DNER: variants seen among roughly 807,000 people sequenced by gnomAD.
The protein encoded by DNER is delta/notch like EGF repeat containing.
Under a neutral mutation model 78.2 loss-of-function variants are expected in DNER, and 33 were observed. The ratio of observed to expected loss-of-function variants is 0.42; its 90% CI spans 0.32 to 0.56. DNER has a LOEUF of 0.56. Ranked by LOEUF, DNER falls within the 20% of genes least tolerant of loss-of-function variation. DNER has a pLI of 0.11. For missense variants in DNER, 918 were observed against 975.3 expected, an observed-to-expected ratio of 0.94 and a Z score of 0.78; for synonymous variants, 417 against 384.8, an observed-to-expected ratio of 1.08 and a Z score of -0.98.
intron 1 of DNER, among the ~76,000 whole-genome samples, chr2:229,616,703 T>A (rs1384969503): frequency 6.6e-6 from 1 of 152,206 alleles, no homozygotes; most frequent in Admixed American, 6.5e-5. Flanking sequence ...CAGATCTAGA[T>A]CATGTCTAGG....
intron 4 of DNER, among the ~76,000 whole-genome samples, chr2:229,549,357 G>C (rs1160829808): frequency 6.6e-6 from 1 of 152,124 alleles, no homozygotes; most frequent in Non-Finnish European, 1.5e-5. Context: ...CCAGGCTGGA[G>C]TGCAGTGGTT....
At chr2:229,573,588 T>C (rs1697250905) in intron 4 of DNER, among the ~76,000 whole-genome samples, 1 of 152,190 alleles carries the variant, frequency 6.6e-6, no homozygotes, top group African/African-American at 2.4e-5. Context: ...ATGCACTCAT[T>C]CTGACCTCGT....
intron 9 of DNER, among the ~76,000 whole-genome samples, chr2:229,417,280 G>A (rs371871874): frequency 1.3e-5 from 2 of 152,206 alleles, no homozygotes; most frequent in East Asian, 3.9e-4. Flanking sequence ...CTCCAGCCAG[G>A]TGGATGGCAT....
At chr2:229,601,320 C>T (rs1278336099) in intron 1 of DNER, among the ~76,000 whole-genome samples, 1 of 151,986 alleles carries the variant, frequency 6.6e-6, no homozygotes, top group Non-Finnish European at 1.5e-5. Context: ...GCTTACTCAC[C>T]AGGAATAAAG....
chr2:229,411,724 A>T (rs1488552658), intron 9 of DNER, among the ~76,000 whole-genome samples: 1 of 152,226 alleles, frequency 6.6e-6, no homozygotes, highest in African/African-American at 2.4e-5. Flanking sequence ...CAACAAAGCA[A>T]TGGATAAGTA....
intron 11 of DNER, among the ~76,000 whole-genome samples, chr2:229,387,509 GAGAAAGAAAGAAAGAAAGAAAGAA>G (rs67136130): frequency 1.2e-4 from 9 of 76,178 alleles, no homozygotes; most frequent in East Asian, 4.6e-4. Context: ...GAAAGAAAGA[GAGAAAGAAAGAAAGAAAGAAAGAA>G]AGAAAGAAAG....
At chr2:229,629,089 A>G (rs1698393181) in intron 1 of DNER, among the ~76,000 whole-genome samples, 1 of 152,166 alleles carries the variant, frequency 6.6e-6, no homozygotes, top group Admixed American at 6.5e-5. Flanking sequence ...TAGACTCTGA[A>G]TCTCAGCTCT....
Position 229,585,894 on chromosome 2 carries a change from C to T in DNER, c.811G>A (p.Glu271Lys). The T allele has an allele frequency of 6.2e-7, 1 of 1,614,044 alleles. No individual in the cohort carries two copies. The highest frequency in any genetic ancestry group is 8.5e-7 in the Non-Finnish European group (1 of 1,179,992). Reference protein sequence around the residue: ...LQASGGLVLLEEMLALGNNHF... With the variant: ...LQASGGLVLLKEMLALGNNHF... ...TTATTCCCCAAGGCGAGCATCTCCT[C>T]CAGGAGGACCAGTCCCCCTGAAGCC... Residue 271 changes from glutamate to lysine, a missense_variant, in exon 4 of 13, where the codon GAG (glutamate) becomes AAG (lysine). Transcript: ENST00000341772.
At chr2:229,688,159 A>T (rs889595684) in intron 1 of DNER, among the ~76,000 whole-genome samples, 3 of 152,208 alleles carry the variant, frequency 2.0e-5, no homozygotes, top group African/African-American at 7.2e-5. Flanking sequence ...CACCAAACGG[A>T]CCTTCCTGGA....
chr2:229,478,808 T>C (rs1375980130), intron 6 of DNER, among the ~76,000 whole-genome samples: 1 of 152,102 alleles, frequency 6.6e-6, no homozygotes, highest in Non-Finnish European at 1.5e-5. Context: ...TTTTTTTAAC[T>C]TCAACTTTTA....
chr2:229,464,858 C>T (rs560078982), intron 7 of DNER, among the ~76,000 whole-genome samples: 5 of 152,066 alleles, frequency 3.3e-5, no homozygotes, highest in Non-Finnish European at 7.3e-5. Flanking sequence ...CAGGTGCAAA[C>T]GCTCCCTGTA....
At chr2:229,397,463 C>CAAAAAAAA (rs763572496) in intron 10 of DNER, among the ~76,000 whole-genome samples, 2 of 96,590 alleles carry the variant, frequency 2.1e-5, no homozygotes, top group Non-Finnish European at 4.1e-5. Flanking sequence ...CCAAACACTA[C>CAAAAAAAA]AAAAAAAAAA....
intron 10 of DNER, among the ~76,000 whole-genome samples, chr2:229,402,449 A>G (rs543787407): frequency 6.6e-6 from 1 of 152,374 alleles, no homozygotes; most frequent in African/African-American, 2.4e-5. Context: ...ATGGTATTTT[A>G]CCATAAAAAT....
At chr2:229,552,600 TTGC>T (rs1330830737) in intron 4 of DNER, among the ~76,000 whole-genome samples, 2 of 152,176 alleles carry the variant, frequency 1.3e-5, no homozygotes, top group African/African-American at 2.4e-5. Context: ...GCACTTCTAC[TTGC>T]TGCCACCATG....
rs780404510 is a variant in DNER, at chr2:229,565,234, T to C, written c.848-18142A>G. Among the ~76,000 whole-genome samples, 6 of 152,202 alleles carry C rather than the reference T, an allele frequency of 3.9e-5. 1 individual carries two copies. Among genetic ancestry groups the C allele is most frequent in the Non-Finnish European group, 7.4e-5 (5 of 68,022 alleles). ...AAACAGCAATGCCAGGATGAAAGCA[T>C]GGAGGTCATTCAGAGAGTCCTCTAA... On this transcript the variant is annotated intron_variant, in intron 4 of 12. Transcript: ENST00000341772.
intron 4 of DNER, among the ~76,000 whole-genome samples, chr2:229,568,792 G>T (rs541373793): frequency 6.6e-6 from 1 of 151,862 alleles, no homozygotes. Context: ...AAACTCCTAC[G>T]CTCAGGCAAT....
intron 6 of DNER, among the ~76,000 whole-genome samples, chr2:229,478,666 G>T (rs1207606602): frequency 6.6e-6 from 1 of 152,000 alleles, no homozygotes; most frequent in African/African-American, 2.4e-5. Context: ...AAAAATAATA[G>T]CCAAAACTTA....
rs141737773 is a variant in DNER, at chr2:229,507,263, C to T, written c.1147+5520G>A. Among the ~76,000 whole-genome samples the T allele has an allele frequency of 4.7e-4, 71 of 152,312 alleles. No homozygotes were observed. The East Asian group carries it at 0.013, about 27-fold the overall frequency. On this transcript the variant is annotated intron_variant, in intron 6 of 12. Coordinates refer to ENST00000341772, the MANE Select transcript of DNER (RefSeq NM_139072.4). ...GCACACCACTGTTTATGCGGTCCAT[C>T]ACTGACTGTCAGTATGTGGTCCGTC...
At chr2:229,535,891 G>A (rs983127270) in intron 5 of DNER, among the ~76,000 whole-genome samples, 1 of 152,258 alleles carries the variant, frequency 6.6e-6, no homozygotes, top group East Asian at 1.9e-4. Context: ...TGATCCATCC[G>A]CCTCAGCCTC....
Sources: gnomAD v4.1 joint callset for allele counts (sites outside exome capture counted in the v4.1 genomes callset) on GRCh38, gnomAD v4.1.1 for gene constraint, MANE v1.5 for transcripts, NCBI Gene and HGNC (gene_info 2026-07-23, HGNC 2026-07-21) for gene names.